The following TRIO variants were observed in gnomAD, a reference collection of about 807,000 sequenced individuals.
The protein encoded by TRIO is trio Rho guanine nucleotide exchange factor.
Under a neutral mutation model 351.9 loss-of-function variants are expected in TRIO, and 58 were observed. The observed-to-expected ratio is 0.16, with a 90% CI of 0.13 to 0.21. The LOEUF is 0.21. TRIO is among the 10% of genes least tolerant of loss of function. The pLI, the probability that TRIO is intolerant of heterozygous loss-of-function variation, is 1.00. For missense variants in TRIO, 3,201 were observed against 4,027.8 expected (o/e 0.79, Z 5.56); for synonymous variants, 1,758 against 1,595.7 (o/e 1.10, Z -2.42).
intron 1 of TRIO, among the ~76,000 whole-genome samples, chr5:14,214,080 T>C (rs530630691): frequency 1.5e-4 from 23 of 152,252 alleles, no homozygotes; most frequent in African/African-American, 5.5e-4. Context: ...CAAGCCGCAG[T>C]CAGGGCTGTC....
At chr5:14,162,282 C>T (rs1788510046) in intron 1 of TRIO, among the ~76,000 whole-genome samples, 1 of 152,168 alleles carries the variant, frequency 6.6e-6, no homozygotes, top group Non-Finnish European at 1.5e-5. Flanking sequence ...ACAATTGGCC[C>T]TTCAAACTCT....
At chr5:14,398,789 T>C in intron 29 of TRIO, 91 bp from the exon 30 acceptor site, 1 of 1,323,038 alleles carries the variant, frequency 7.6e-7, no homozygotes, top group Non-Finnish European at 1.0e-6. Context: ...TGGGCATTTT[T>C]AAAATTGTTG....
intron 11 of TRIO, among the ~76,000 whole-genome samples, chr5:14,346,623 A>T (rs1561369875): frequency 6.6e-6 from 1 of 152,254 alleles, no homozygotes; most frequent in Non-Finnish European, 1.5e-5. Flanking sequence ...TGGTCAGGAA[A>T]AGTGAATGAA....
intron 1 of TRIO, among the ~76,000 whole-genome samples, chr5:14,264,498 TA>T (rs1258249404): frequency 6.6e-6 from 1 of 152,202 alleles, no homozygotes; most frequent in African/African-American, 2.4e-5. Context: ...ATGCATTTTA[TA>T]AGTGTGGATT....
At position 14,461,000 on chromosome 5, in the gene TRIO, C is replaced by A; in HGVS notation, c.5204-19C>A. Reference sequence around the variant, plus strand: ...GGTCTGTGCGAGTCAGTGATACTCCCTCTCTTTCTCCCTGGCAGACTCGCT... The same window carrying A: ...GGTCTGTGCGAGTCAGTGATACTCCATCTCTTTCTCCCTGGCAGACTCGCT... On this transcript the variant is annotated intron_variant, in intron 34 of 56. Transcript: ENST00000344204. 2 of 1,540,312 alleles carry A rather than the reference C, an allele frequency of 1.3e-6. No homozygotes were observed. The highest frequency in any genetic ancestry group is 1.3e-5 in the South Asian group (1 of 79,682).
At chr5:14,454,523 A>G (rs1428081747) in intron 34 of TRIO, among the ~76,000 whole-genome samples, 1 of 152,250 alleles carries the variant, frequency 6.6e-6, no homozygotes, top group Non-Finnish European at 1.5e-5. Flanking sequence ...ATCACCATTC[A>G]TAGTGGTTGA....
intron 37 of TRIO, among the ~76,000 whole-genome samples, chr5:14,468,937 G>C (rs1255171358): frequency 6.6e-6 from 1 of 152,124 alleles, no homozygotes; most frequent in Non-Finnish European, 1.5e-5. Context: ...CATTCGTCTG[G>C]CTTACCTCCA....
chr5:14,390,194 C>CACCTTTG, intron 25 of TRIO, 37 bp from the exon 26 acceptor site: 1 of 1,596,154 alleles, frequency 6.3e-7, no homozygotes, highest in Non-Finnish European at 8.6e-7. Flanking sequence ...TGTTTTAAAA[C>CACCTTTG]ACCTTTGTAA....
intron 1 of TRIO, among the ~76,000 whole-genome samples, chr5:14,208,999 GT>G (rs1421598426): frequency 6.6e-6 from 1 of 152,200 alleles, no homozygotes; most frequent in Non-Finnish European, 1.5e-5. Flanking sequence ...ATTTATTACA[GT>G]CCGTGTAAAA....
intron 1 of TRIO, among the ~76,000 whole-genome samples, chr5:14,157,383 TTC>T (rs1412386421): frequency 4.0e-5 from 6 of 150,664 alleles, no homozygotes; most frequent in East Asian, 2.0e-4. Context: ...CTCTCTCTCT[TTC>T]TCTCTCTCTC....
At chr5:14,379,163 C>T (rs1042493338) in intron 20 of TRIO, among the ~76,000 whole-genome samples, 3 of 152,158 alleles carry the variant, frequency 2.0e-5, no homozygotes, top group African/African-American at 7.2e-5. Context: ...CAGCCCTGGT[C>T]TGGGTGCCTT....
At chr5:14,282,228 A>G (rs1050866719) in intron 3 of TRIO, among the ~76,000 whole-genome samples, 1 of 152,156 alleles carries the variant, frequency 6.6e-6, no homozygotes, top group East Asian at 1.9e-4. Flanking sequence ...AGTTATTTAT[A>G]CTCACTATCA....
At chr5:14,355,999 T>G (rs1454673507) in intron 11 of TRIO, among the ~76,000 whole-genome samples, 1 of 152,230 alleles carries the variant, frequency 6.6e-6, no homozygotes, top group Admixed American at 6.5e-5. Flanking sequence ...ATTTGATAAC[T>G]TAGACACAAA....
intron 1 of TRIO, among the ~76,000 whole-genome samples, chr5:14,174,938 ATGT>A (rs1397549555): frequency 5.9e-5 from 9 of 152,226 alleles, no homozygotes; most frequent in East Asian, 3.8e-4. Flanking sequence ...ATCTCTCAAA[ATGT>A]TGTTCATGCT....
At chr5:14,467,229 G>A (rs765535439) in intron 37 of TRIO, among the ~76,000 whole-genome samples, 4 of 152,188 alleles carry the variant, frequency 2.6e-5, no homozygotes, top group Non-Finnish European at 4.4e-5. Flanking sequence ...CTAAATCAGA[G>A]TATACTTCTT....
At chr5:14,204,295 C>T (rs375621757) in intron 1 of TRIO, among the ~76,000 whole-genome samples, 10 of 152,088 alleles carry the variant, frequency 6.6e-5, no homozygotes, top group Admixed American at 2.0e-4. Context: ...GGAGGGTGCC[C>T]GGGGAAGGAG....
At chr5:14,313,913 T>C (rs1244285104) in intron 8 of TRIO, among the ~76,000 whole-genome samples, 1 of 152,204 alleles carries the variant, frequency 6.6e-6, no homozygotes, top group Non-Finnish European at 1.5e-5. Flanking sequence ...AATGTGGCAT[T>C]ACAGCTGGAG....
In TRIO at chr5:14,303,463, C is replaced by T. The variant is rs1420780984; in HGVS notation, c.1369-998C>T. ...ATTGAGCCAGGATTGGGATGGCTGCCGCAGGACTGTTGATGATCCTGGAGA... is the reference window on the plus strand; with the variant it reads ...ATTGAGCCAGGATTGGGATGGCTGCTGCAGGACTGTTGATGATCCTGGAGA... On this transcript the variant is annotated intron_variant, in intron 7 of 56. Coordinates refer to ENST00000344204, the MANE Select transcript of TRIO (RefSeq NM_007118.4). 8.5e-4 allele frequency among the ~76,000 whole-genome samples: 111 copies of T among 131,294 alleles called. 1 individual carries two copies. Among genetic ancestry groups the T allele is most frequent in the Admixed American group, 4.0e-3 (53 of 13,136 alleles). 86.1% of individuals were successfully genotyped at this position (131,294 alleles called of 152,430 possible).
chr5:14,489,012 C>T (rs771598500), intron 48 of TRIO: 2 of 765,294 alleles, frequency 2.6e-6, no homozygotes, highest in South Asian at 1.3e-5. Flanking sequence ...CACTGTCCTA[C>T]CCACCTGTTT....
Sources: allele counts gnomAD v4.1 joint callset (sites outside exome capture counted in the v4.1 genomes callset), GRCh38; gene constraint gnomAD v4.1.1; transcripts MANE v1.5; gene names NCBI Gene and HGNC (gene_info 2026-07-23, HGNC 2026-07-21).